OR1D2: variants seen among roughly 807,000 people sequenced by gnomAD.
OR1D2 encodes olfactory receptor 1D2.
For synonymous variants in OR1D2, 157 were observed against 153.9 expected (o/e 1.02, Z -0.15); for missense variants, 357 against 376.1 (o/e 0.95, Z 0.42).
intron 1 of OR1D2, among the ~76,000 whole-genome samples, chr17:3,093,645 A>G (rs779063804): frequency 2.6e-5 from 4 of 152,178 alleles, no homozygotes; most frequent in Non-Finnish European, 5.9e-5. Context: ...GTTGGTAGGC[A>G]ATTAGCACTC....
At chr17:3,096,153 G>A (rs2047843668) in intron 1 of OR1D2, among the ~76,000 whole-genome samples, 1 of 152,080 alleles carries the variant, frequency 6.6e-6, no homozygotes, top group Non-Finnish European at 1.5e-5. Flanking sequence ...GGAAAAGGAA[G>A]TGGACAAGGA....
intron 1 of OR1D2, among the ~76,000 whole-genome samples, chr17:3,094,154 G>A (rs945518495): frequency 9.2e-5 from 14 of 152,062 alleles, no homozygotes; most frequent in South Asian, 2.1e-4. Flanking sequence ...TATATTAGCC[G>A]GTAAATTCTG....
Position 3,089,602 on chromosome 17 carries a change from C to T in OR1D2, c.*2456G>A, listed in dbSNP as rs539539657. 5.6e-4 allele frequency: 86 copies of T among 152,298 alleles called. 1 individual carries two copies. The highest frequency in any genetic ancestry group is 1.9e-3 in the African/African-American group (78 of 41,526). The allele number at this position is 152,298 out of a possible 1,614,324, so 9.4% of individuals were successfully genotyped here. Reference sequence around the variant, plus strand: ...GTGGTGAGTGGGACCATAGAGCTCCCAAGAGATTATGCCCTTTGTCTTCGG... The same window carrying T: ...GTGGTGAGTGGGACCATAGAGCTCCTAAGAGATTATGCCCTTTGTCTTCGG... On this transcript the variant is annotated 3_prime_UTR_variant, in exon 2 of 2. Coordinates refer to ENST00000641833, the MANE Select transcript of OR1D2 (RefSeq NM_002548.3).
At chr17:3,101,474 C>A (rs1045993977) in intron 1 of OR1D2, among the ~76,000 whole-genome samples, 1 of 152,060 alleles carries the variant, frequency 6.6e-6, no homozygotes, top group African/African-American at 2.4e-5. Flanking sequence ...ATTCAACATC[C>A]CTTCATGTTA....
chr17:3,092,063 T>G lies in OR1D2; in HGVS notation c.934A>C (p.Thr312Pro). The change falls in exon 2 of 2, where the codon ACA becomes CCA. Residue 312 changes from threonine (T) to proline (P), a missense_variant. Physicochemically the swap from Thr to Pro is conservative, Grantham distance 38 (BLOSUM62 -1). Transcript: ENST00000641833. ...RLLDKHFKRL[T>P] is the part of the protein sequence containing the mutation. ...GCTGTCTTTCCAAATTGCCCTCATG[T>G]CAGCCTCTTAAAGTGTTTATCTAGG... The G allele has an allele frequency of 6.2e-7, 1 of 1,603,596 alleles. No homozygotes were observed. The highest frequency in any genetic ancestry group is 8.5e-7 in the Non-Finnish European group (1 of 1,175,076).
Position 3,101,708 on chromosome 17 carries a change from T to C in OR1D2, c.-51+2391A>G, listed in dbSNP as rs145945368. Among the ~76,000 whole-genome samples, 796 of 152,258 alleles carry C rather than the reference T, an allele frequency of 5.2e-3. 3 individuals are homozygous for C. The highest frequency in any genetic ancestry group is 8.2e-3 in the Non-Finnish European group (561 of 68,020). ...GAGAAAGAAATTAAGGGGATTCAAA[T>C]AGGAAGAGAGGAAGTCGAATTGTCT... On this transcript the variant is annotated intron_variant, in intron 1 of 1. Coordinates refer to ENST00000641833, the MANE Select transcript of OR1D2 (RefSeq NM_002548.3).
In OR1D2 at chr17:3,088,604, A is replaced by T. The variant is rs2047788957; in HGVS notation, c.*3454T>A. The T allele has an allele frequency of 6.4e-6, 1 of 156,698 alleles. No individual in the cohort carries two copies. Among genetic ancestry groups the T allele is most frequent in the Non-Finnish European group, 1.5e-5 (1 of 68,116 alleles). The allele number at this position is 156,698 out of a possible 1,614,324, so 9.7% of individuals were successfully genotyped here. A position where few individuals can be genotyped will look rare whatever the true frequency, so the allele number is the denominator to read the frequency against. Reference sequence around the variant, plus strand: ...CTAAGGGGGTCTGCGTGAGAGAGTCATGATCAATTGAGCAAGCAGGGGGTA... The same window carrying T: ...CTAAGGGGGTCTGCGTGAGAGAGTCTTGATCAATTGAGCAAGCAGGGGGTA... On this transcript the variant is annotated 3_prime_UTR_variant, in exon 2 of 2. Transcript: ENST00000641833.
At position 3,091,749 on chromosome 17, in the gene OR1D2, C is replaced by T. The variant is rs1357215654; in HGVS notation, c.*309G>A. 4.1e-6 allele frequency: 1 copy of T among 244,922 alleles called. No individual in the cohort carries two copies. The highest frequency in any genetic ancestry group is 7.9e-6 in the Non-Finnish European group (1 of 126,030). The allele number at this position is 244,922 out of a possible 1,614,324, so 15.2% of individuals were successfully genotyped here. ...CTTTGGATGTGTGCTAGATGAGAGA[C>T]ACTTCTAGGTTTAAACTGGATATAG... On this transcript the variant is annotated 3_prime_UTR_variant, in exon 2 of 2. Transcript: ENST00000641833.
chr17:3,099,109 G>T (rs1260416596), intron 1 of OR1D2, among the ~76,000 whole-genome samples: 4 of 151,496 alleles, frequency 2.6e-5, no homozygotes, highest in African/African-American at 7.3e-5. Context: ...CACACTTCAG[G>T]ATATTATCCA....
At chr17:3,095,412 A>G (rs149738062) in intron 1 of OR1D2, among the ~76,000 whole-genome samples, 346 of 152,242 alleles carry the variant, frequency 2.3e-3, no homozygotes, top group Non-Finnish European at 4.2e-3. Flanking sequence ...ATTCAGCAAA[A>G]CTATCTTTAA....
rs761465905 is a variant in OR1D2 at position 3,092,255 on chromosome 17, C to G, written c.742G>C (p.Val248Leu). 2.5e-6 allele frequency: 4 copies of G among 1,614,172 alleles called. No individual in the cohort carries two copies. In the Admixed American group the frequency reaches 5.0e-5, roughly 20 times the overall value. The change falls in exon 2 of 2, where the codon GTC (valine) becomes CTC (leucine). Residue 248 changes from valine to leucine, a missense_variant. Physicochemically the swap from Val to Leu is conservative, Grantham distance 32. Coordinates refer to ENST00000641833, the MANE Select transcript of OR1D2 (RefSeq NM_002548.3). Reference protein sequence around the residue: ...FSTCASHLGAVSLFYGTLCMV... With the variant: ...FSTCASHLGALSLFYGTLCMV... ...CAAAGTGTCCCATAGAAGAGGGAGA[C>G]TGCACCCAAATGGGAGGCACAGGTG...
chr17:3,096,291 G>T (rs185540827), intron 1 of OR1D2, among the ~76,000 whole-genome samples: 8 of 152,284 alleles, frequency 5.3e-5, no homozygotes, highest in Non-Finnish European at 1.0e-4. Context: ...GGCAGAGACT[G>T]TCAGAGTGGA....
intron 1 of OR1D2, among the ~76,000 whole-genome samples, chr17:3,095,765 T>C (rs879193982): frequency 4.6e-5 from 7 of 152,208 alleles, no homozygotes; most frequent in East Asian, 3.9e-4. Context: ...AATATGTATA[T>C]GATGTATCGT....
intron 1 of OR1D2, among the ~76,000 whole-genome samples, chr17:3,100,370 CTCAT>C (rs748520141): frequency 1.3e-5 from 2 of 152,182 alleles, no homozygotes; most frequent in Non-Finnish European, 2.9e-5. Context: ...GATTGAGAAA[CTCAT>C]TCAAAACCAC....
rs981959455 is a variant in OR1D2 at position 3,091,943 on chromosome 17, G to C, written c.*115C>G. The stretch of plus-strand genomic sequence containing the variant: ...TTTTATCACCACATATCTATATGCT[G>C]TCTCTGAGCTGGAGCCATGTCCCAA... On this transcript the variant is annotated 3_prime_UTR_variant, in exon 2 of 2. Coordinates refer to ENST00000641833, the MANE Select transcript of OR1D2 (RefSeq NM_002548.3). 1.3e-6 allele frequency: 1 copy of C among 781,836 alleles called. No homozygotes were observed. Among genetic ancestry groups the C allele is most frequent in the Non-Finnish European group, 2.1e-6 (1 of 472,688 alleles). 48.4% of individuals were successfully genotyped at this position (781,836 alleles called of 1,614,324 possible).
chr17:3,091,337 C>G lies in OR1D2; in HGVS notation c.*721G>C, dbSNP rs926998551. ...GTATTTTCCAAATATGTCTGTTTCTCTTTTTAATTTCAAGCTTTATATATT... is the reference window on the plus strand; with the variant it reads ...GTATTTTCCAAATATGTCTGTTTCTGTTTTTAATTTCAAGCTTTATATATT... On this transcript the variant is annotated 3_prime_UTR_variant, in exon 2 of 2. Coordinates refer to ENST00000641833, the MANE Select transcript of OR1D2 (RefSeq NM_002548.3). The G allele has an allele frequency of 2.0e-5, 3 of 152,160 alleles. No homozygotes were observed. Among genetic ancestry groups the G allele is most frequent in the Non-Finnish European group, 4.4e-5 (3 of 68,012 alleles). 9.4% of individuals were successfully genotyped at this position (152,160 alleles called of 1,614,324 possible). A position where few individuals can be genotyped will look rare whatever the true frequency, so the allele number is the denominator to read the frequency against.
At chr17:3,093,813 A>G (rs1224890407) in intron 1 of OR1D2, among the ~76,000 whole-genome samples, 1 of 152,198 alleles carries the variant, frequency 6.6e-6, no homozygotes, top group Non-Finnish European at 1.5e-5. Context: ...GGTAAAGTAA[A>G]AATTAAATAA....
rs139391156 is a variant in OR1D2, at chr17:3,092,836, C to A, written c.161G>T (p.Arg54Leu). 2 of 1,613,964 alleles carry A rather than the reference C, an allele frequency of 1.2e-6. No individual in the cohort carries two copies. The highest frequency in any genetic ancestry group is 1.1e-5 in the South Asian group (1 of 91,050). ...LIILAISSDS[R>L]LHTPVYFFLA... ...GAAGAAGTACACGGGGGTGTGCAGG[C>A]GGGAATCAGAGCTGATGGCCAGGAT... The change falls in exon 2 of 2, where the codon CGC (arginine) becomes CTC (leucine). Residue 54 changes from arginine to leucine, a missense_variant. Physicochemically the swap from Arg to Leu is moderately radical, Grantham distance 102. Transcript: ENST00000641833.
At chr17:3,101,194 C>T (rs2047873446) in intron 1 of OR1D2, among the ~76,000 whole-genome samples, 1 of 152,074 alleles carries the variant, frequency 6.6e-6, no homozygotes, top group Non-Finnish European at 1.5e-5. Context: ...CATCCTGATG[C>T]CAAAACCTCA....
Sources: allele counts gnomAD v4.1 joint callset (sites outside exome capture counted in the v4.1 genomes callset), GRCh38; gene constraint gnomAD v4.1.1; transcripts MANE v1.5; gene names NCBI Gene and HGNC (gene_info 2026-07-23, HGNC 2026-07-21).